The following ALPI variants were observed in gnomAD, a reference collection of about 807,000 sequenced individuals.
The protein encoded by ALPI is alkaline phosphatase, intestinal.
A neutral mutation model predicts 51.5 loss-of-function variants in ALPI; 50 were observed. That is an observed-to-expected ratio of 0.97 (90% CI 0.77 to 1.23). The LOEUF (loss-of-function observed/expected upper bound fraction) is 1.23. Ranked by LOEUF, ALPI falls within the 50% of genes most tolerant of loss-of-function variation. ALPI has a pLI of 0.00. For missense variants in ALPI, 692 were observed against 722.4 expected, an observed-to-expected ratio of 0.96 and a Z score of 0.48; for synonymous variants, 322 against 308.2, an observed-to-expected ratio of 1.04 and a Z score of -0.47.
chr2:232,458,451 AG>A (rs1559264830), intron 9 of ALPI, 43 bp downstream of exon 9: 2 of 1,585,680 alleles, frequency 1.3e-6, no homozygotes, highest in Non-Finnish European at 1.7e-6. Flanking sequence ...ATCAATTATG[AG>A]GGTGAAGTTT....
intron 8 of ALPI, 32 bp downstream of exon 8, chr2:232,458,164 G>A (rs1690234230): frequency 1.2e-6 from 2 of 1,613,702 alleles, no homozygotes; most frequent in Non-Finnish European, 1.7e-6. Flanking sequence ...GTGGAGGAAG[G>A]CGGGGCGCGG....
rs60003378 is a variant in ALPI, at chr2:232,460,518, C to T, written c.*1372C>T. Among the ~76,000 whole-genome samples the T allele has an allele frequency of 4.9e-3, 743 of 152,188 alleles. 26 individuals carry two copies. In the East Asian group the frequency reaches 0.099, roughly 20 times the overall value. On this transcript the variant is annotated 3_prime_UTR_variant, in exon 11 of 11. Coordinates refer to ENST00000295463, the MANE Select transcript of ALPI (RefSeq NM_001631.5). ...ACCTCCCTCTGAAAGTATTCTGGAG[C>T]GCCCATCCCAATACAGCCATACTTA...
In ALPI at chr2:232,458,246, G is replaced by T. The variant is rs776983251; in HGVS notation, c.1021G>T (p.Gly341Cys). The change falls in exon 9 of 11, where the codon GGT becomes TGT. Residue 341 changes from glycine to cysteine, a missense_variant. Coordinates refer to ENST00000295463, the MANE Select transcript of ALPI (RefSeq NM_001631.5). ...GGRIDHGHHE[G>C]VAYQALTEAV... ...CCGCATCGACCATGGTCATCATGAG[G>T]GTGTGGCTTACCAGGCACTCACTGA... 1.6e-5 allele frequency: 26 copies of T among 1,614,176 alleles called. No homozygotes were observed. In the South Asian group the frequency reaches 2.6e-4, roughly 16 times the overall value.
rs1690243823 is a variant in ALPI at position 232,458,473 on chromosome 2, T to C, written c.1183+65T>C. The stretch of plus-strand genomic sequence containing the variant: ...ATGAGGGTGAAGTTTGAGCTTCAGT[T>C]TCCTCCTCTGTCAAAAGTGTGCAAT... On this transcript the variant is annotated intron_variant, in intron 9 of 10. Transcript: ENST00000295463. 1.9e-6 allele frequency: 3 copies of C among 1,554,762 alleles called. No homozygotes were observed. In the African/African-American group the frequency reaches 4.1e-5, roughly 21 times the overall value.
rs1288713068 is a variant in ALPI, at chr2:232,456,871, G to C, written c.301-28G>C. On this transcript the variant is annotated intron_variant, in intron 3 of 10. Coordinates refer to ENST00000295463, the MANE Select transcript of ALPI (RefSeq NM_001631.5). The surrounding 1 kb of genome is among the most constrained non-coding windows in gnomAD (Gnocchi z 4.2). Reference sequence around the variant, plus strand: ...TTGGGGTCTGGGTGTCCGCCCCGAAGTAGAGCTCAGGGTGTCTCCGTTCGC... The same window carrying C: ...TTGGGGTCTGGGTGTCCGCCCCGAACTAGAGCTCAGGGTGTCTCCGTTCGC... The C allele has an allele frequency of 6.2e-7, 1 of 1,612,130 alleles. No homozygotes were observed. Among genetic ancestry groups the C allele is most frequent in the Admixed American group, 1.7e-5 (1 of 59,964 alleles).
In ALPI at chr2:232,459,248, G is replaced by A; in HGVS notation, c.*102G>A. The stretch of plus-strand genomic sequence containing the variant: ...AGCGAACACACACAGGTGTCCTGCC[G>A]TTGGACCTTCACCTCCTAGAGATAA... On this transcript the variant is annotated 3_prime_UTR_variant, in exon 11 of 11. Transcript: ENST00000295463. 1.4e-6 allele frequency: 2 copies of A among 1,413,916 alleles called. No homozygotes were observed. Among genetic ancestry groups the A allele is most frequent in the South Asian group, 1.4e-5 (1 of 69,700 alleles). The allele number at this position is 1,413,916 out of a possible 1,614,324, so 87.6% of individuals were successfully genotyped here. A position where few individuals can be genotyped will look rare whatever the true frequency, so the allele number is the denominator to read the frequency against.
rs1690248857 is a variant in ALPI, at chr2:232,458,724, C to T, written c.1276C>T (p.Pro426Ser). 4 of 1,613,950 alleles carry T rather than the reference C, an allele frequency of 2.5e-6. No homozygotes were observed. The highest frequency in any genetic ancestry group is 3.4e-6 in the Non-Finnish European group (4 of 1,180,018). The change falls in exon 10 of 11, where the codon CCA becomes TCA. Residue 426 changes from proline (P) to serine (S), a missense_variant. Transcript: ENST00000295463. ...CTACGTGTTCAACTCAGGCGTGCGA[C>T]CAGACGTGAATGAGAGCGAGAGCGG... ...PGYVFNSGVR[P>S]DVNESESGSP...
rs146536956 is a variant in ALPI at position 232,458,889 on chromosome 2, G to C, written c.1330G>C (p.Val444Leu). The C allele has an allele frequency of 6.0e-5, 97 of 1,610,704 alleles. No homozygotes were observed. In the African/African-American group the frequency reaches 1.2e-3, roughly 20 times the overall value. Residue 444 changes from valine (V) to leucine (L), a missense_variant, in exon 11 of 11, where the codon GTG becomes CTG. Physicochemically the swap from Val to Leu is conservative, Grantham distance 32. Transcript: ENST00000295463. ...GSPDYQQQAA[V>L]PLSSETHGGE... ...CCCCGATTACCAGCAGCAGGCGGCG[G>C]TGCCCCTGTCGTCCGAGACCCACGG...
At position 232,458,105 on chromosome 2, in the gene ALPI, C is replaced by A. The variant is rs1467886239; in HGVS notation, c.964C>A (p.Pro322Thr). 6.2e-7 allele frequency: 1 copy of A among 1,614,022 alleles called. No individual in the cohort carries two copies. Among genetic ancestry groups the A allele is most frequent in the Admixed American group, 1.7e-5 (1 of 60,012 alleles). ...TGCCCTGCGCCTGCTGAGCAGGAAC[C>A]CCCGCGGCTTCTACCTCTTTGTGGA... is the stretch of plus-strand genomic sequence containing the variant. ...EAALRLLSRNPRGFYLFVEGG... is the reference protein window; with the variant it reads ...EAALRLLSRNTRGFYLFVEGG... The change falls in exon 8 of 11, where the codon CCC (proline) becomes ACC (threonine). Residue 322 changes from proline (P) to threonine (T), a missense_variant. Transcript: ENST00000295463.
rs879531350 is a variant in ALPI, at chr2:232,459,216, C to G, written c.*70C>G. 1.2e-4 allele frequency: 184 copies of G among 1,475,242 alleles called. No individual in the cohort carries two copies. Among genetic ancestry groups the G allele is most frequent in the Non-Finnish European group, 1.6e-4 (179 of 1,116,922 alleles). The allele number at this position is 1,475,242 out of a possible 1,614,324, so 91.4% of individuals were successfully genotyped here. On this transcript the variant is annotated 3_prime_UTR_variant, in exon 11 of 11. Transcript: ENST00000295463. The stretch of plus-strand genomic sequence containing the variant: ...TGCCCTGTTCCCCGTCCTGAGCCGC[C>G]ACTTCCAGCGAACACACACAGGTGT...
rs1397836296 is a variant in ALPI at position 232,456,714 on chromosome 2, C to G, written c.300+19C>G. 6.3e-7 allele frequency: 1 copy of G among 1,580,058 alleles called. No homozygotes were observed. The highest frequency in any genetic ancestry group is 1.2e-5 in the South Asian group (1 of 86,578). ...GTCCAAGGTAAGGGCTGGGCCACCT[C>G]AGAGTCCTCCAAGCAGAGGAGAGGG... On this transcript the variant is annotated intron_variant, in intron 3 of 10. Coordinates refer to ENST00000295463, the MANE Select transcript of ALPI (RefSeq NM_001631.5). The surrounding 1 kb of genome is among the most constrained non-coding windows in gnomAD (Gnocchi z 4.2).
Position 232,460,518 on chromosome 2 carries a change from C to A in ALPI, c.*1372C>A, listed in dbSNP as rs60003378. Among the ~76,000 whole-genome samples, 1 of 152,188 alleles carries A rather than the reference C, an allele frequency of 6.6e-6. No individual in the cohort carries two copies. Among genetic ancestry groups the A allele is most frequent in the Middle Eastern group, 3.4e-3 (1 of 294 alleles). Reference sequence around the variant, plus strand: ...ACCTCCCTCTGAAAGTATTCTGGAGCGCCCATCCCAATACAGCCATACTTA... The same window carrying A: ...ACCTCCCTCTGAAAGTATTCTGGAGAGCCCATCCCAATACAGCCATACTTA... On this transcript the variant is annotated 3_prime_UTR_variant, in exon 11 of 11. Coordinates refer to ENST00000295463, the MANE Select transcript of ALPI (RefSeq NM_001631.5).
In ALPI at chr2:232,458,419, GGA is replaced by G. The variant is rs1181234747; in HGVS notation, c.1183+15_1183+16del. ...GGAGCTCCATCTTCGGTAGGCCTGG[GGA>G]GAGTGGCAGGTGCTGCTGCATCAAT... On this transcript the variant is annotated intron_variant, in intron 9 of 10. Coordinates refer to ENST00000295463, the MANE Select transcript of ALPI (RefSeq NM_001631.5). 1.4e-5 allele frequency: 22 copies of G among 1,610,108 alleles called. No individual in the cohort carries two copies. The East Asian group carries it at 4.9e-4, about 36-fold the overall frequency.
chr2:232,456,840 C>T lies in ALPI; in HGVS notation c.301-59C>T. 2 of 1,602,242 alleles carry T rather than the reference C, an allele frequency of 1.2e-6. No individual in the cohort carries two copies. Among genetic ancestry groups the T allele is most frequent in the South Asian group, 1.1e-5 (1 of 89,734 alleles). ...GGATCCCAGAGGACCAGAACCAGGT[C>T]CTTGGTTGGGGTCTGGGTGTCCGCC... On this transcript the variant is annotated intron_variant, in intron 3 of 10. Transcript: ENST00000295463. This position sits in a 1 kb window ranked among gnomAD's most constrained non-coding sequence, Gnocchi z 4.2.
Position 232,459,367 on chromosome 2 carries a change from T to C in ALPI, c.*221T>C. On this transcript the variant is annotated 3_prime_UTR_variant, in exon 11 of 11. Coordinates refer to ENST00000295463, the MANE Select transcript of ALPI (RefSeq NM_001631.5). ...GCGCCCTGGGAGCTGAGCCTGGGACTTCCAGGACCTCCCCTCAGGTTGTTC... is the reference window on the plus strand; with the variant it reads ...GCGCCCTGGGAGCTGAGCCTGGGACCTCCAGGACCTCCCCTCAGGTTGTTC... 1.7e-6 allele frequency: 1 copy of C among 579,892 alleles called. No homozygotes were observed. Among genetic ancestry groups the C allele is most frequent in the South Asian group, 2.2e-5 (1 of 46,456 alleles). 35.9% of individuals were successfully genotyped at this position (579,892 alleles called of 1,614,324 possible). A position where few individuals can be genotyped will look rare whatever the true frequency, so the allele number is the denominator to read the frequency against.
rs750554208 is a variant in ALPI, at chr2:232,457,001, G to T, written c.403G>T (p.Ala135Ser). Residue 135 changes from alanine to serine, a missense_variant, in exon 4 of 11, where the codon GCC (alanine) becomes TCC (serine). Coordinates refer to ENST00000295463, the MANE Select transcript of ALPI (RefSeq NM_001631.5). The surrounding 1 kb of genome is among the most constrained non-coding windows in gnomAD (Gnocchi z 4.7). ...CCAGACCATCGGCTTGAGTGCAGCC[G>T]CCCGCTTTAACCAGTGCAACACGAC... ...NFQTIGLSAA[A>S]RFNQCNTTRG... is the part of the protein sequence containing the mutation. 19 of 1,613,374 alleles carry T rather than the reference G, an allele frequency of 1.2e-5. No homozygotes were observed. The highest frequency in any genetic ancestry group is 1.5e-5 in the Non-Finnish European group (18 of 1,180,016).
Position 232,457,483 on chromosome 2 carries a change from A to C in ALPI, c.649-82A>C. On this transcript the variant is annotated intron_variant, in intron 5 of 10. Transcript: ENST00000295463. The surrounding 1 kb of genome is among the most constrained non-coding windows in gnomAD (Gnocchi z 4.7). ...CTGGGCCATTCCCACAGCCCTGGGGAGGGGAGCCAGGGGCTATGCATGAGG... is the reference window on the plus strand; with the variant it reads ...CTGGGCCATTCCCACAGCCCTGGGGCGGGGAGCCAGGGGCTATGCATGAGG... 6.5e-7 allele frequency: 1 copy of C among 1,545,274 alleles called. No individual in the cohort carries two copies. Among genetic ancestry groups the C allele is most frequent in the Non-Finnish European group, 8.7e-7 (1 of 1,147,194 alleles).
At position 232,456,707 on chromosome 2, in the gene ALPI, G is replaced by A; in HGVS notation, c.300+12G>A. 6.3e-7 allele frequency: 1 copy of A among 1,587,548 alleles called. No homozygotes were observed. The highest frequency in any genetic ancestry group is 1.3e-5 in the African/African-American group (1 of 74,468). On this transcript the variant is annotated intron_variant, in intron 3 of 10. Transcript: ENST00000295463. This position sits in a 1 kb window ranked among gnomAD's most constrained non-coding sequence, Gnocchi z 4.2. ...TGGCTCTGTCCAAGGTAAGGGCTGG[G>A]CCACCTCAGAGTCCTCCAAGCAGAG...
Position 232,457,717 on chromosome 2 carries a change from G to T in ALPI, c.783+18G>T. On this transcript the variant is annotated intron_variant, in intron 6 of 10. Coordinates refer to ENST00000295463, the MANE Select transcript of ALPI (RefSeq NM_001631.5). This position sits in a 1 kb window ranked among gnomAD's most constrained non-coding sequence, Gnocchi z 4.7. ...AGCACCAGGTGATGGGGGCTGGTGG[G>T]TGTGGGAGGCACGGCAGGGGGAGGC... 6.2e-7 allele frequency: 1 copy of T among 1,610,974 alleles called. No homozygotes were observed. Among genetic ancestry groups the T allele is most frequent in the Non-Finnish European group, 8.5e-7 (1 of 1,177,890 alleles).
Sources: gnomAD v4.1 joint callset for allele counts (sites outside exome capture counted in the v4.1 genomes callset) on GRCh38, gnomAD v4.1.1 for gene constraint, Gnocchi (gnomAD v3.1) non-coding constraint, MANE v1.5 for transcripts, NCBI Gene and HGNC (gene_info 2026-07-23, HGNC 2026-07-21) for gene names.